Variants in CACNA1S observed in about 807,000 individuals in gnomAD.
The protein encoded by CACNA1S is calcium voltage-gated channel subunit alpha1 S, also known as voltage-dependent L-type calcium channel subunit alpha-1S.
A neutral mutation model predicts 207.4 loss-of-function variants in CACNA1S; 126 were observed. That is an observed-to-expected ratio of 0.61 (90% CI 0.53 to 0.70). The LOEUF (loss-of-function observed/expected upper bound fraction) is 0.70, where lower values mean the gene tolerates loss of function less well. CACNA1S is among the 30% of genes least tolerant of loss of function. The probability of loss-of-function intolerance (pLI) is 0.00; values close to 1 mark genes in which losing one functional copy is unlikely to be tolerated. For missense variants in CACNA1S, 2,349 were observed against 2,422.8 expected, an observed-to-expected ratio of 0.97 and a Z score of 0.64; for synonymous variants, 960 against 932.7, an observed-to-expected ratio of 1.03 and a Z score of -0.53.
At chr1:201,111,130 G>A (rs1663086593) in intron 1 of CACNA1S, among the ~76,000 whole-genome samples, 1 of 152,134 alleles carries the variant, frequency 6.6e-6, no homozygotes, top group Non-Finnish European at 1.5e-5. Context: ...CAGAAGAGAG[G>A]CAAGGAGGGA....
At chr1:201,064,054 T>C (rs1031834883) in intron 22 of CACNA1S, among the ~76,000 whole-genome samples, 1 of 150,368 alleles carries the variant, frequency 6.7e-6, no homozygotes, top group Non-Finnish European at 1.5e-5. Flanking sequence ...ATGGCGAGAG[T>C]TGGGTGTTGA....
At position 201,089,442 on chromosome 1, in the gene CACNA1S, T is replaced by C; in HGVS notation, c.716A>G (p.Asn239Ser). 3 of 1,614,028 alleles carry C rather than the reference T, an allele frequency of 1.9e-6. No homozygotes were observed. The African/African-American group carries it at 4.0e-5, about 22-fold the overall frequency. Reference sequence around the variant, plus strand: ...CCTGGCGCAGGGCGATGGCTCTTCATTCTCCACCGTGGCCACGATATCTGG... The same window carrying C: ...CCTGGCGCAGGGCGATGGCTCTTCACTCTCCACCGTGGCCACGATATCTGG... ...IGTDIVATVE[N>S]EEPSPCARTG... The change falls in exon 6 of 44, where the codon AAT (asparagine) becomes AGT (serine). Residue 239 changes from asparagine to serine, a missense_variant. Coordinates refer to ENST00000362061, the MANE Select transcript of CACNA1S (RefSeq NM_000069.3).
intron 2 of CACNA1S, among the ~76,000 whole-genome samples, chr1:201,106,722 C>T (rs925825611): frequency 4.6e-5 from 7 of 152,182 alleles, no homozygotes; most frequent in African/African-American, 1.7e-4. Flanking sequence ...ATCCCACAGC[C>T]CGACATCCTG....
In CACNA1S at chr1:201,060,778, C is replaced by T. The variant is rs1256462219; in HGVS notation, c.3294G>A (p.Leu1098=). The stretch of plus-strand genomic sequence containing the variant: ...ATGGGTTTTTGGGAATGTAGCACCT[C>T]AGTGGGCGGGCCTTCAGGGCATACT... ...CVQYALKARP[L]RCYIPKNPYQ... is the part of the protein sequence containing the mutation. Residue 1098 remains leucine, a synonymous_variant, in exon 26 of 44, where the codon CTG becomes CTA. Transcript: ENST00000362061. 1 of 1,614,218 alleles carries T rather than the reference C, an allele frequency of 6.2e-7. No homozygotes were observed.
chr1:201,057,201 A>G (rs1660878531), intron 28 of CACNA1S, among the ~76,000 whole-genome samples: 1 of 151,950 alleles, frequency 6.6e-6, no homozygotes, highest in Admixed American at 6.6e-5. Context: ...TCTCTCTCTT[A>G]CCTCATCTCC....
intron 10 of CACNA1S, among the ~76,000 whole-genome samples, chr1:201,078,516 T>TC (rs1661714749): frequency 4.2e-5 from 1 of 24,068 alleles, no homozygotes; most frequent in Non-Finnish European, 7.7e-5. Context: ...TAAATTAGCT[T>TC]CAAAAAAAAA....
At chr1:201,094,955 T>G (rs984515325) in intron 2 of CACNA1S, among the ~76,000 whole-genome samples, 14 of 152,016 alleles carry the variant, frequency 9.2e-5, no homozygotes, top group Admixed American at 3.3e-4. Flanking sequence ...GTCTCTCTTG[T>G]CAGGACTCCA....
rs368879256 is a variant in CACNA1S at position 201,054,639 on chromosome 1, C to T, written c.3610-78G>A. On this transcript the variant is annotated intron_variant, in intron 28 of 43. Coordinates refer to ENST00000362061, the MANE Select transcript of CACNA1S (RefSeq NM_000069.3). ...GACATGTGGGAGGGAGGTGAAGAGA[C>T]GTGTCAGAAAGGACAGACACACAGA... 1.1e-4 allele frequency: 124 copies of T among 1,167,508 alleles called. No individual in the cohort carries two copies. The East Asian group carries it at 2.0e-3, about 19-fold the overall frequency. 72.3% of individuals were successfully genotyped at this position (1,167,508 alleles called of 1,614,324 possible). A position where few individuals can be genotyped will look rare whatever the true frequency, so the allele number is the denominator to read the frequency against.
intron 40 of CACNA1S, among the ~76,000 whole-genome samples, chr1:201,042,190 G>A (rs1457914238): frequency 1.3e-5 from 2 of 152,154 alleles, no homozygotes; most frequent in East Asian, 3.8e-4. Flanking sequence ...AGGCTGGAGT[G>A]CAGTGGCACA....
Position 201,058,445 on chromosome 1 carries a change from A to G in CACNA1S, c.3572T>C (p.Ile1191Thr). 1 of 1,614,230 alleles carries G rather than the reference A, an allele frequency of 6.2e-7. No individual in the cohort carries two copies. Among genetic ancestry groups the G allele is most frequent in the East Asian group, 2.2e-5 (1 of 44,882 alleles). ...GAGGATGACATCAATGATGCTGCCA[A>G]TGACAATCAGGAAGTCAAACACATT... ...PWNVFDFLIV[I>T]GSIIDVILSE... Residue 1191 changes from isoleucine (I) to threonine (T), a missense_variant, in exon 28 of 44, where the codon ATT (isoleucine) becomes ACT (threonine). By Grantham distance (89) the Ile-to-Thr change is moderately conservative. Coordinates refer to ENST00000362061, the MANE Select transcript of CACNA1S (RefSeq NM_000069.3).
rs113144001 is a variant in CACNA1S, at chr1:201,109,203, C to T, written c.258+961G>A. On this transcript the variant is annotated intron_variant, in intron 2 of 43. Transcript: ENST00000362061. ...GCGGAGGTTGCAGTGAGCCGAGAGCCGAGATCACACAGCCTGGGCAACAGA... is the reference window on the plus strand; with the variant it reads ...GCGGAGGTTGCAGTGAGCCGAGAGCTGAGATCACACAGCCTGGGCAACAGA... Among the ~76,000 whole-genome samples, 774 of 146,878 alleles carry T rather than the reference C, an allele frequency of 5.3e-3. 3 individuals are homozygous for T. Among genetic ancestry groups the T allele is most frequent in the African/African-American group, 0.019 (744 of 39,276 alleles).
intron 24 of CACNA1S, 67 bp downstream of exon 24, chr1:201,061,877 G>C: frequency 6.3e-7 from 1 of 1,577,800 alleles, no homozygotes; most frequent in African/African-American, 1.3e-5. Context: ...GCTGCAGAAG[G>C]GCAGGCTGGC....
Position 201,089,287 on chromosome 1 carries a change from T to C in CACNA1S, c.871A>G (p.Met291Val), listed in dbSNP as rs1662141627. The C allele has an allele frequency of 6.2e-7, 1 of 1,614,080 alleles. No individual in the cohort carries two copies. Among genetic ancestry groups the C allele is most frequent in the Non-Finnish European group, 8.5e-7 (1 of 1,180,032 alleles). The change falls in exon 6 of 44, where the codon ATG becomes GTG. Residue 291 changes from methionine to valine, a missense_variant. Physicochemically the swap from Met to Val is conservative, Grantham distance 21. Coordinates refer to ENST00000362061, the MANE Select transcript of CACNA1S (RefSeq NM_000069.3). ...SMLTVYQCITMEGWTDVLYWV... is the reference protein window; with the variant it reads ...SMLTVYQCITVEGWTDVLYWV... ...TAAAGGACGTCAGTCCATCCCTCCA[T>C]GGTAATGCACTGGTACACGGTGAGC...
In CACNA1S at chr1:201,076,614, G is replaced by A. The variant is rs979412260; in HGVS notation, c.1827+306C>T. Among the ~76,000 whole-genome samples, 17 of 152,194 alleles carry A rather than the reference G, an allele frequency of 1.1e-4. 1 individual carries two copies. Among genetic ancestry groups the A allele is most frequent in the Non-Finnish European group, 5.9e-5 (4 of 68,036 alleles). ...AGACCTGAGTGGCACATGAAAGCAC[G>A]CATCCGGACTCCCAGGCCATCCCTA... On this transcript the variant is annotated intron_variant, in intron 12 of 43. Transcript: ENST00000362061.
intron 36 of CACNA1S, 122 bp downstream of exon 36, chr1:201,048,460 C>A: frequency 1.2e-6 from 1 of 846,740 alleles, no homozygotes; most frequent in Non-Finnish European, 2.0e-6. Context: ...GGCCTGGGGT[C>A]CTCCCTCTAC....
intron 28 of CACNA1S, 127 bp downstream of exon 28, chr1:201,058,281 G>C (rs1390311238): frequency 1.2e-6 from 1 of 824,744 alleles, no homozygotes; most frequent in Non-Finnish European, 2.1e-6. Context: ...GCCGTGACTT[G>C]TCATTCCATC....
chr1:201,082,159 G>A (rs1661863131), intron 10 of CACNA1S, among the ~76,000 whole-genome samples: 1 of 151,692 alleles, frequency 6.6e-6, no homozygotes, highest in African/African-American at 2.4e-5. Flanking sequence ...CTCCTGAGTA[G>A]CTGGGACTAC....
chr1:201,099,131 G>A (rs777745141), intron 2 of CACNA1S, among the ~76,000 whole-genome samples: 4 of 152,208 alleles, frequency 2.6e-5, no homozygotes, highest in African/African-American at 4.8e-5. Flanking sequence ...CCCCTGGCCC[G>A]CATGGGGCTT....
At chr1:201,071,981 A>G (rs887184503) in intron 16 of CACNA1S, among the ~76,000 whole-genome samples, 3 of 152,184 alleles carry the variant, frequency 2.0e-5, no homozygotes, top group African/African-American at 7.2e-5. Flanking sequence ...AACAGATGCT[A>G]ATCAGCTGAT....
Sources: gnomAD v4.1 joint callset for allele counts (sites outside exome capture counted in the v4.1 genomes callset) on GRCh38, gnomAD v4.1.1 for gene constraint, MANE v1.5 for transcripts, NCBI Gene and HGNC (gene_info 2026-07-23, HGNC 2026-07-21) for gene names.